Variants in ZBBX observed in about 807,000 individuals in gnomAD.
ZBBX encodes zinc finger B-box domain containing, also known as zinc finger B-box domain-containing protein 1.
ZBBX carries 101 observed loss-of-function variants against 108.5 expected under a neutral mutation model. The ratio of observed to expected loss-of-function variants is 0.93; its 90% confidence interval spans 0.79 to 1.10. The LOEUF (loss-of-function observed/expected upper bound fraction) is 1.10. Ranked by LOEUF, ZBBX falls within the 50% of genes least tolerant of loss-of-function variation. The probability of loss-of-function intolerance (pLI) is 0.00; values close to 1 mark genes in which losing one functional copy is unlikely to be tolerated. For missense variants in ZBBX, 1,009 were observed against 941.4 expected (o/e 1.07, Z -0.94); for synonymous variants, 356 against 323.4 (o/e 1.10, Z -1.08).
intron 16 of ZBBX, among the ~76,000 whole-genome samples, chr3:167,311,212 A>C (rs1157216319): frequency 6.6e-6 from 1 of 152,178 alleles, no homozygotes; most frequent in African/African-American, 2.4e-5. Flanking sequence ...AAGAAAATAT[A>C]ATCTGTTAAG....
At chr3:167,226,082 TAAA>T in the ZBBX span, among the ~76,000 whole-genome samples, 1 of 132,880 alleles carries the variant, frequency 7.5e-6, no homozygotes, top group African/African-American at 2.8e-5. Flanking sequence ...TGACTGTGAT[TAAA>T]AAAAAAAAAA....
At chr3:167,218,032 C>A in the ZBBX span, among the ~76,000 whole-genome samples, 2 of 151,930 alleles carry the variant, frequency 1.3e-5, no homozygotes, top group Admixed American at 6.6e-5. Context: ...CATGAGCCAC[C>A]ACACCCGGCC....
the ZBBX span, among the ~76,000 whole-genome samples, chr3:167,186,006 G>A: frequency 0.013 from 2,031 of 151,964 alleles, 22 homozygotes; most frequent in South Asian, 0.026. Context: ...CAGCATTATA[G>A]CAAAGGAGAT....
intron 12 of ZBBX, among the ~76,000 whole-genome samples, chr3:167,321,233 G>T (rs1330967279): frequency 2.6e-5 from 4 of 151,958 alleles, no homozygotes; most frequent in African/African-American, 9.7e-5. Flanking sequence ...GAAGGTGAGT[G>T]GTGGTGCGGG....
chr3:167,350,418 A>G lies in ZBBX; in HGVS notation c.528+2T>C. On this transcript the variant is annotated splice_donor_variant, in intron 9 of 21. Transcript: ENST00000675490. LOFTEE classifies it high-confidence loss of function. ...CAAGTAAATCATTTTAGAAAGCCATACCTGCAAAAGAGTTGTTCTGTGGAG... is the reference window on the plus strand; with the variant it reads ...CAAGTAAATCATTTTAGAAAGCCATGCCTGCAAAAGAGTTGTTCTGTGGAG... 6.3e-7 allele frequency: 1 copy of G among 1,585,710 alleles called. No homozygotes were observed. The highest frequency in any genetic ancestry group is 8.6e-7 in the Non-Finnish European group (1 of 1,163,686).
chr3:167,400,227 G>A (rs985236056), intron 1 of ZBBX, among the ~76,000 whole-genome samples: 9 of 152,052 alleles, frequency 5.9e-5, no homozygotes, highest in Non-Finnish European at 1.2e-4. Context: ...ACCCAGTAGT[G>A]GGATTTCTGG....
At chr3:167,350,305 T>C in intron 9 of ZBBX, 115 bp downstream of exon 9, 1 of 722,092 alleles carries the variant, frequency 1.4e-6, no homozygotes, top group South Asian at 2.6e-5. Context: ...ATAATAGAAT[T>C]TTAGAAATTA....
In ZBBX at chr3:167,328,168, A is replaced by C. The variant is rs756502304; in HGVS notation, c.688-52T>G. 10 of 1,524,082 alleles carry C rather than the reference A, an allele frequency of 6.6e-6. No homozygotes were observed. The Admixed American group carries it at 2.2e-4, about 33-fold the overall frequency. 94.4% of individuals were successfully genotyped at this position (1,524,082 alleles called of 1,614,324 possible). A position where few individuals can be genotyped will look rare whatever the true frequency, so the allele number is the denominator to read the frequency against. Reference sequence around the variant, plus strand: ...TTTATTAAATTTTCTGTATTTACCCACAAAAATTGTTTTAATAAAAAAATT... The same window carrying C: ...TTTATTAAATTTTCTGTATTTACCCCCAAAAATTGTTTTAATAAAAAAATT... On this transcript the variant is annotated intron_variant, in intron 10 of 21. Transcript: ENST00000675490.
At chr3:167,316,203 T>C (rs1735426590) in intron 14 of ZBBX, among the ~76,000 whole-genome samples, 1 of 152,080 alleles carries the variant, frequency 6.6e-6, no homozygotes, top group Non-Finnish European at 1.5e-5. Context: ...GTAGTGTGTG[T>C]GTTTTTGTCC....
At chr3:167,378,883 A>T (rs1033338159) in intron 2 of ZBBX, among the ~76,000 whole-genome samples, 2 of 152,110 alleles carry the variant, frequency 1.3e-5, no homozygotes. Context: ...TAGAAAGACC[A>T]TGTTTATTAA....
At chr3:167,341,548 A>G (rs535330774) in intron 9 of ZBBX, among the ~76,000 whole-genome samples, 1 of 152,098 alleles carries the variant, frequency 6.6e-6, no homozygotes, top group African/African-American at 2.4e-5. Flanking sequence ...AATTTTCATT[A>G]CACTACAAAA....
At chr3:167,371,262 C>T (rs913194861) in intron 4 of ZBBX, among the ~76,000 whole-genome samples, 14 of 152,150 alleles carry the variant, frequency 9.2e-5, no homozygotes. Context: ...TCTTCTTAGA[C>T]AATTGGATAT....
At chr3:167,221,140 A>G in the ZBBX span, among the ~76,000 whole-genome samples, 312 of 152,096 alleles carry the variant, frequency 2.1e-3, 2 homozygotes, top group Admixed American at 0.015. Context: ...TACTATGTAA[A>G]GCAATCTACA....
At chr3:167,406,307 A>G (rs115602723) in intron 1 of ZBBX, among the ~76,000 whole-genome samples, 46 of 152,368 alleles carry the variant, frequency 3.0e-4, no homozygotes, top group African/African-American at 1.1e-3. Context: ...AAACAGTGGT[A>G]AGGTTTGGCA....
chr3:167,358,793 G>T (rs149210304), intron 8 of ZBBX, among the ~76,000 whole-genome samples: 1 of 151,596 alleles, frequency 6.6e-6, no homozygotes, highest in Non-Finnish European at 1.5e-5. Flanking sequence ...AAAATTAGCT[G>T]GGCGTGGTGA....
the ZBBX span, among the ~76,000 whole-genome samples, chr3:167,224,093 T>A: frequency 0.016 from 2,367 of 152,010 alleles, 66 homozygotes; most frequent in African/African-American, 0.053. Flanking sequence ...CTCAACTGCA[T>A]GCCAATTAGC....
chr3:167,187,630 A>G, the ZBBX span, among the ~76,000 whole-genome samples: 1 of 152,248 alleles, frequency 6.6e-6, no homozygotes, highest in Non-Finnish European at 1.5e-5. Flanking sequence ...ATTATTTGGA[A>G]CATTAGCTGT....
chr3:167,301,926 C>G (rs1305829899), intron 17 of ZBBX, among the ~76,000 whole-genome samples: 1 of 142,974 alleles, frequency 7.0e-6, no homozygotes, highest in Non-Finnish European at 1.5e-5. Flanking sequence ...CACTGCACCC[C>G]AGCCTGGGCA....
At chr3:167,277,448 C>A (rs1163005404) in intron 20 of ZBBX, among the ~76,000 whole-genome samples, 1 of 152,014 alleles carries the variant, frequency 6.6e-6, no homozygotes, top group Non-Finnish European at 1.5e-5. Flanking sequence ...GGATTGCAAT[C>A]CTAGTCTCTG....
Sources: allele counts gnomAD v4.1 joint callset (sites outside exome capture counted in the v4.1 genomes callset), GRCh38; gene constraint gnomAD v4.1.1; transcripts MANE v1.5; gene names NCBI Gene and HGNC (gene_info 2026-07-23, HGNC 2026-07-21).